LAMA2: variants seen among roughly 807,000 people sequenced by gnomAD.
LAMA2 encodes laminin subunit alpha 2.
LAMA2 carries 269 observed loss-of-function variants against 364.8 expected under a neutral mutation model. The ratio of observed to expected loss-of-function variants is 0.74; its 90% CI spans 0.67 to 0.82. The LOEUF (loss-of-function observed/expected upper bound fraction) is 0.82. Ranked by LOEUF, LAMA2 falls within the 40% of genes least tolerant of loss-of-function variation. The probability of loss-of-function intolerance (pLI) is 0.00; values close to 1 mark genes in which losing one functional copy is unlikely to be tolerated. For synonymous variants in LAMA2, 1,379 were observed against 1,370.6 expected (o/e 1.01, Z -0.14); for missense variants, 3,807 against 3,873.2 (o/e 0.98, Z 0.45).
chr6:129,199,981 A>T (rs1443319748), intron 12 of LAMA2, among the ~76,000 whole-genome samples: 1 of 151,874 alleles, frequency 6.6e-6, no homozygotes, highest in Non-Finnish European at 1.5e-5. Flanking sequence ...CGGGAGGCTG[A>T]TGCAAGAGAA....
At chr6:129,084,590 G>GT (rs1229777265) in intron 3 of LAMA2, among the ~76,000 whole-genome samples, 4 of 152,110 alleles carry the variant, frequency 2.6e-5, no homozygotes, top group Non-Finnish European at 5.9e-5. Flanking sequence ...ATTTGATAGT[G>GT]TAATATGCTG....
chr6:129,463,051 TTAAAG>T (rs1169157428), intron 49 of LAMA2, among the ~76,000 whole-genome samples: 3 of 151,968 alleles, frequency 2.0e-5, no homozygotes, highest in African/African-American at 7.2e-5. Flanking sequence ...CACATTAAGA[TTAAAG>T]TAAGGGGAAA....
chr6:129,240,675 A>G (rs1408068624), intron 12 of LAMA2, among the ~76,000 whole-genome samples: 1 of 152,188 alleles, frequency 6.6e-6, no homozygotes, highest in Non-Finnish European at 1.5e-5. Flanking sequence ...CTGCTCCTGG[A>G]TCGCCGTTTC....
At chr6:129,482,093 C>A (rs1784376701) in intron 55 of LAMA2, among the ~76,000 whole-genome samples, 1 of 152,054 alleles carries the variant, frequency 6.6e-6, no homozygotes, top group Non-Finnish European at 1.5e-5. Flanking sequence ...ATCGTTTGAG[C>A]CCAGGAGTTT....
At chr6:129,172,221 A>G (rs1329145327) in intron 9 of LAMA2, among the ~76,000 whole-genome samples, 2 of 152,084 alleles carry the variant, frequency 1.3e-5, no homozygotes, top group Non-Finnish European at 2.9e-5. Flanking sequence ...CTGGTGAGGA[A>G]CTGCGTTCCT....
rs759229520 is a variant in LAMA2, at chr6:129,177,872, T to C, written c.1467+6T>C. On this transcript the variant is annotated splice_donor_region_variant and intron_variant, in intron 10 of 64. Coordinates refer to ENST00000421865, the MANE Select transcript of LAMA2 (RefSeq NM_000426.4). ...TTGGCCCCTGTATCTGCAAGGTACATTGTTTATTCCAGTAATGTCCCACTG... is the reference window on the plus strand; with the variant it reads ...TTGGCCCCTGTATCTGCAAGGTACACTGTTTATTCCAGTAATGTCCCACTG... The C allele has an allele frequency of 3.7e-6, 6 of 1,612,936 alleles. No individual in the cohort carries two copies. The highest frequency in any genetic ancestry group is 1.7e-4 in the Middle Eastern group (1 of 6,044).
intron 3 of LAMA2, among the ~76,000 whole-genome samples, chr6:129,067,795 G>A (rs1789470088): frequency 6.6e-6 from 1 of 152,100 alleles, no homozygotes; most frequent in Non-Finnish European, 1.5e-5. Context: ...TATTTCTTAT[G>A]TCTAGAATTA....
chr6:129,233,689 C>T (rs575986286), intron 12 of LAMA2, among the ~76,000 whole-genome samples: 9 of 152,052 alleles, frequency 5.9e-5, no homozygotes, highest in South Asian at 2.1e-4. Flanking sequence ...ATAAATGGAC[C>T]GGACTTGCAC....
chr6:129,239,682 T>G (rs750964553), intron 12 of LAMA2, among the ~76,000 whole-genome samples: 5 of 152,116 alleles, frequency 3.3e-5, no homozygotes, highest in Non-Finnish European at 5.9e-5. Flanking sequence ...CTCTAGATAT[T>G]ATTTTATTTA....
At chr6:128,912,361 T>C (rs555559873) in intron 1 of LAMA2, among the ~76,000 whole-genome samples, 1 of 152,200 alleles carries the variant, frequency 6.6e-6, no homozygotes, top group African/African-American at 2.4e-5. Flanking sequence ...CTCCCTCTTT[T>C]TACACAATTA....
intron 8 of LAMA2, among the ~76,000 whole-genome samples, chr6:129,160,082 T>C (rs1274090406): frequency 6.6e-6 from 1 of 152,180 alleles, no homozygotes; most frequent in African/African-American, 2.4e-5. Flanking sequence ...AATGTTTTTG[T>C]CAGGTTTTTT....
intron 12 of LAMA2, among the ~76,000 whole-genome samples, chr6:129,227,377 G>A (rs265337): frequency 0.6 from 91,602 of 152,110 alleles, 31,409 homozygotes; most frequent in Non-Finnish European, 0.76. Context: ...CTGGCAAGGA[G>A]CTTCATTCCT....
At chr6:129,246,287 G>T (rs1315576116) in intron 12 of LAMA2, among the ~76,000 whole-genome samples, 1 of 152,094 alleles carries the variant, frequency 6.6e-6, no homozygotes, top group Admixed American at 6.6e-5. Flanking sequence ...ATATAAAGTG[G>T]CCTAAAGTAC....
At chr6:128,965,555 T>A (rs1452959846) in intron 1 of LAMA2, among the ~76,000 whole-genome samples, 1 of 152,046 alleles carries the variant, frequency 6.6e-6, no homozygotes, top group African/African-American at 2.4e-5. Context: ...TCTTGCTTAT[T>A]TGAATCATTC....
At chr6:129,093,839 G>A (rs144717264) in intron 3 of LAMA2, among the ~76,000 whole-genome samples, 1 of 152,282 alleles carries the variant, frequency 6.6e-6, no homozygotes, top group Admixed American at 6.5e-5. Flanking sequence ...TGTAACAAGT[G>A]CCCTTCAACA....
At chr6:129,425,431 A>G (rs28523429) in intron 40 of LAMA2, among the ~76,000 whole-genome samples, 1 of 151,534 alleles carries the variant, frequency 6.6e-6, no homozygotes, top group Non-Finnish European at 1.5e-5. Flanking sequence ...CTTTTTTTTA[A>G]TTTTTGAAAC....
chr6:128,974,752 A>C (rs1408869630), intron 1 of LAMA2, among the ~76,000 whole-genome samples: 1 of 152,184 alleles, frequency 6.6e-6, no homozygotes, highest in Non-Finnish European at 1.5e-5. Context: ...TACAGTATAT[A>C]GCTTTCAAGC....
intron 15 of LAMA2, among the ~76,000 whole-genome samples, chr6:129,262,496 AAGG>A (rs1453805375): frequency 1.3e-5 from 2 of 152,164 alleles, no homozygotes; most frequent in African/African-American, 4.8e-5. Flanking sequence ...GTGAAAAAAA[AAGG>A]AGAGATAATA....
intron 43 of LAMA2, chr6:129,442,691 T>C (rs998045003): frequency 3.3e-6 from 1 of 305,976 alleles, no homozygotes; most frequent in Non-Finnish European, 6.2e-6. Context: ...CTCTCCACCC[T>C]CCAAAAGAAT....
Sources: gnomAD v4.1 joint callset for allele counts (sites outside exome capture counted in the v4.1 genomes callset) on GRCh38, gnomAD v4.1.1 for gene constraint, MANE v1.5 for transcripts, NCBI Gene and HGNC (gene_info 2026-07-23, HGNC 2026-07-21) for gene names.